Variants in UNC5C observed in about 807,000 individuals in gnomAD.
UNC5C encodes the protein unc-5 netrin receptor C, also known as netrin receptor UNC5C.
In UNC5C, 47 loss-of-function variants were observed where a neutral mutation model predicts 99.8. The observed-to-expected ratio is 0.47, with a 90% confidence interval of 0.37 to 0.60. The LOEUF (loss-of-function observed/expected upper bound fraction) is 0.60. UNC5C is among the 20% of genes least tolerant of loss of function. UNC5C has a pLI of 0.00. For synonymous variants in UNC5C, 487 were observed against 452.2 expected (o/e 1.08, Z -0.98); for missense variants, 1,062 against 1,165.9 (o/e 0.91, Z 1.30).
chr4:95,455,709 T>C (rs1186174687), intron 1 of UNC5C, among the ~76,000 whole-genome samples: 2 of 152,080 alleles, frequency 1.3e-5, no homozygotes, highest in African/African-American at 4.8e-5. Flanking sequence ...TTACTTATTT[T>C]TCCATGTGCA....
intron 1 of UNC5C, among the ~76,000 whole-genome samples, chr4:95,337,928 C>T (rs1239449662): frequency 6.6e-6 from 1 of 151,962 alleles, no homozygotes; most frequent in Non-Finnish European, 1.5e-5. Context: ...ATTAAGATTT[C>T]CTATAATATT....
intron 2 of UNC5C, 143 bp from the exon 3 acceptor site, chr4:95,301,892 T>G (rs974198590): frequency 1.8e-6 from 2 of 1,083,060 alleles, no homozygotes; most frequent in African/African-American, 3.2e-5. Context: ...CTCTTTTGAC[T>G]TTCTTCTCGT....
chr4:95,271,429 CTG>C (rs1215762838), intron 4 of UNC5C, among the ~76,000 whole-genome samples: 1 of 152,056 alleles, frequency 6.6e-6, no homozygotes, highest in African/African-American at 2.4e-5. Context: ...CGGGGTTTCA[CTG>C]TGTTAGCCAG....
intron 5 of UNC5C, chr4:95,248,597 G>C (rs1286098771): frequency 2.2e-6 from 1 of 452,314 alleles, no homozygotes; most frequent in Non-Finnish European, 4.4e-6. Flanking sequence ...GTGATCTTGA[G>C]CCCGCTGTTT....
At chr4:95,174,337 G>T (rs1185221525) in intron 14 of UNC5C, among the ~76,000 whole-genome samples, 1 of 151,910 alleles carries the variant, frequency 6.6e-6, no homozygotes, top group Admixed American at 6.6e-5. Context: ...TGATGTTAGG[G>T]TGTCAATTTT....
intron 1 of UNC5C, among the ~76,000 whole-genome samples, chr4:95,378,310 A>C (rs1455616561): frequency 1.3e-5 from 2 of 152,184 alleles, no homozygotes; most frequent in Non-Finnish European, 1.5e-5. Flanking sequence ...TTAGATATAT[A>C]ATCTATTAAT....
At chr4:95,293,579 C>T (rs1439364525) in intron 3 of UNC5C, among the ~76,000 whole-genome samples, 1 of 152,030 alleles carries the variant, frequency 6.6e-6, no homozygotes, top group Non-Finnish European at 1.5e-5. Flanking sequence ...CTTGGCCTCC[C>T]AAGGTGCTGG....
intron 4 of UNC5C, among the ~76,000 whole-genome samples, chr4:95,261,388 C>T (rs1474092867): frequency 6.6e-6 from 1 of 152,132 alleles, no homozygotes; most frequent in Non-Finnish European, 1.5e-5. Context: ...GCCTCCTTAC[C>T]CTCCAAAATT....
At chr4:95,383,659 TAC>T (rs1423838797) in intron 1 of UNC5C, among the ~76,000 whole-genome samples, 6 of 152,202 alleles carry the variant, frequency 3.9e-5, no homozygotes, top group Non-Finnish European at 7.3e-5. Flanking sequence ...CCAGGCTGTT[TAC>T]TTTTTATTCA....
chr4:95,270,770 C>T (rs1740629114), intron 4 of UNC5C, among the ~76,000 whole-genome samples: 1 of 152,158 alleles, frequency 6.6e-6, no homozygotes, highest in African/African-American at 2.4e-5. Flanking sequence ...ATAACACCAT[C>T]CAAGGGAACA....
intron 1 of UNC5C, among the ~76,000 whole-genome samples, chr4:95,520,684 T>C (rs767081600): frequency 6.6e-5 from 10 of 150,926 alleles, no homozygotes; most frequent in Non-Finnish European, 1.0e-4. Flanking sequence ...CTGCAAGCTC[T>C]GCCTCCCAGG....
At chr4:95,252,176 T>A (rs887736321) in intron 4 of UNC5C, among the ~76,000 whole-genome samples, 5 of 152,218 alleles carry the variant, frequency 3.3e-5, no homozygotes, top group Non-Finnish European at 5.9e-5. Flanking sequence ...GGAAATACGA[T>A]CCTGCTGGAA....
intron 1 of UNC5C, among the ~76,000 whole-genome samples, chr4:95,492,744 A>G (rs559625913): frequency 1.1e-3 from 162 of 151,602 alleles, no homozygotes; most frequent in African/African-American, 3.6e-3. Context: ...AGAGAAATCC[A>G]TTATCTAATG....
chr4:95,424,705 A>G (rs1746425797), intron 1 of UNC5C, among the ~76,000 whole-genome samples: 1 of 150,850 alleles, frequency 6.6e-6, no homozygotes, highest in Non-Finnish European at 1.5e-5. Context: ...TGTATTTTTT[A>G]GTAGAGACCA....
chr4:95,478,815 C>T (rs922003698), intron 1 of UNC5C, among the ~76,000 whole-genome samples: 17 of 151,868 alleles, frequency 1.1e-4, no homozygotes, highest in African/African-American at 1.9e-4. Context: ...GCCCTAGTGG[C>T]GGGTATATGG....
At chr4:95,473,872 A>T (rs1483609381) in intron 1 of UNC5C, among the ~76,000 whole-genome samples, 1 of 152,098 alleles carries the variant, frequency 6.6e-6, no homozygotes, top group African/African-American at 2.4e-5. Context: ...TTGGAAGAGA[A>T]GTGTTTGTTA....
At chr4:95,362,682 C>T (rs1009464988) in intron 1 of UNC5C, among the ~76,000 whole-genome samples, 2 of 152,132 alleles carry the variant, frequency 1.3e-5, no homozygotes, top group African/African-American at 4.8e-5. Context: ...AGCTGACATA[C>T]CAATATGAAT....
intron 14 of UNC5C, among the ~76,000 whole-genome samples, chr4:95,174,453 C>T (rs1028081672): frequency 2.0e-5 from 3 of 152,032 alleles, no homozygotes; most frequent in Non-Finnish European, 2.9e-5. Flanking sequence ...TCTTTGTTCT[C>T]GTTGGTTTCA....
chr4:95,286,238 T>C (rs1432633591), intron 3 of UNC5C, among the ~76,000 whole-genome samples: 3 of 152,312 alleles, frequency 2.0e-5, no homozygotes, highest in South Asian at 2.1e-4. Flanking sequence ...GGAGGGCTAA[T>C]AATTGAAGGT....
Sources: gnomAD v4.1 joint callset for allele counts (sites outside exome capture counted in the v4.1 genomes callset) on GRCh38, gnomAD v4.1.1 for gene constraint, MANE v1.5 for transcripts, NCBI Gene and HGNC (gene_info 2026-07-23, HGNC 2026-07-21) for gene names.